The following EPHX2 variants were observed in gnomAD, a reference collection of about 807,000 sequenced individuals.
EPHX2 encodes bifunctional epoxide hydrolase 2.
EPHX2 carries 74 observed loss-of-function variants against 78.7 expected under a neutral mutation model. That is an observed-to-expected ratio of 0.94 (90% CI 0.78 to 1.14). The LOEUF (loss-of-function observed/expected upper bound fraction) is 1.14, where lower values mean the gene tolerates loss of function less well. Ranked by LOEUF, EPHX2 falls within the 50% of genes most tolerant of loss-of-function variation. EPHX2 has a pLI of 0.00. For missense variants in EPHX2, 715 were observed against 702.5 expected, an observed-to-expected ratio of 1.02 and a Z score of -0.20; for synonymous variants, 251 against 255.2, an observed-to-expected ratio of 0.98 and a Z score of 0.16.
chr8:27,509,239 T>A (rs1480860987), intron 5 of EPHX2, among the ~76,000 whole-genome samples: 1 of 152,158 alleles, frequency 6.6e-6, no homozygotes. Context: ...ACTATTCCAC[T>A]GTATGGATAG....
intron 2 of EPHX2, among the ~76,000 whole-genome samples, chr8:27,501,333 CTT>C (rs1563340098): frequency 5.5e-4 from 40 of 72,586 alleles, no homozygotes; most frequent in African/African-American, 2.1e-3. Flanking sequence ...TTTTCTTCTT[CTT>C]CTTCTTCTTC....
At chr8:27,521,089 G>A (rs1814628809) in intron 10 of EPHX2, among the ~76,000 whole-genome samples, 180 bp downstream of exon 10, 1 of 152,204 alleles carries the variant, frequency 6.6e-6, no homozygotes, top group Admixed American at 6.5e-5. Flanking sequence ...AGCAAGGATT[G>A]CGTGGAGAAC....
chr8:27,512,386 C>A (rs1489800059), intron 6 of EPHX2, among the ~76,000 whole-genome samples: 3 of 152,238 alleles, frequency 2.0e-5, no homozygotes, highest in African/African-American at 7.2e-5. Context: ...TTATCGAACA[C>A]TTCCTCTGTG....
At chr8:27,544,147 C>T in intron 17 of EPHX2, 39 bp from the exon 18 acceptor site, 1 of 1,612,164 alleles carries the variant, frequency 6.2e-7, no homozygotes, top group Non-Finnish European at 8.5e-7. Flanking sequence ...ACCCATCTGC[C>T]TTCTTCCATT....
At chr8:27,538,611 T>C (rs941780857) in intron 13 of EPHX2, 48 bp from the exon 14 acceptor site, 1 of 1,551,052 alleles carries the variant, frequency 6.4e-7, no homozygotes, top group Admixed American at 1.8e-5. Flanking sequence ...ATATTTCCTT[T>C]GTATCACCCA....
At chr8:27,529,498 C>T (rs62504299) in intron 12 of EPHX2, among the ~76,000 whole-genome samples, 12,401 of 152,236 alleles carry the variant, frequency 0.081, 532 homozygotes, top group Non-Finnish European at 0.1. Flanking sequence ...TCCCACCTCA[C>T]GACACTGGTC....
Position 27,509,373 on chromosome 8 carries a change from A to G in EPHX2, c.660+2379A>G, listed in dbSNP as rs1317102604. ...GTATCTCTTTGAGACCCTGTTTTCA[A>G]TGCTTCTGTGTGTATACCTACGAGT... On this transcript the variant is annotated intron_variant, in intron 5 of 18. Coordinates refer to ENST00000521400, the MANE Select transcript of EPHX2 (RefSeq NM_001979.6). Among the ~76,000 whole-genome samples the G allele has an allele frequency of 2.6e-5, 4 of 152,084 alleles. No individual in the cohort carries two copies. In the South Asian group the frequency reaches 6.2e-4, roughly 24 times the overall value.
intron 12 of EPHX2, among the ~76,000 whole-genome samples, chr8:27,532,452 G>A (rs1193630956): frequency 6.6e-6 from 1 of 152,126 alleles, no homozygotes; most frequent in Non-Finnish European, 1.5e-5. Context: ...CACTCCCGGG[G>A]CTGCCATAAC....
At chr8:27,544,291 G>T (rs367726652) in intron 18 of EPHX2, 47 bp downstream of exon 18, 1 of 1,608,720 alleles carries the variant, frequency 6.2e-7, no homozygotes, top group Non-Finnish European at 8.5e-7. Context: ...AGGGCCCCCC[G>T]TTCACCTTCC....
chr8:27,525,267 C>T (rs567408499), intron 11 of EPHX2, 95 bp from the exon 12 acceptor site: 1 of 1,072,266 alleles, frequency 9.3e-7, no homozygotes, highest in African/African-American at 1.6e-5. Context: ...AATGTTCCCA[C>T]TCTGAGCTTC....
At chr8:27,537,577 C>T (rs1054334067) in intron 13 of EPHX2, among the ~76,000 whole-genome samples, 1 of 152,150 alleles carries the variant, frequency 6.6e-6, no homozygotes, top group Admixed American at 6.6e-5. Context: ...AGTGTCTGAT[C>T]TGCAGTTTAA....
intron 11 of EPHX2, among the ~76,000 whole-genome samples, chr8:27,525,107 T>TGTGTGCGCGCGCGCGC (rs1491544464): frequency 9.7e-6 from 1 of 103,456 alleles, no homozygotes; most frequent in East Asian, 3.1e-4. Context: ...TGTGTGTGTG[T>TGTGTGCGCGCGCGCGC]GCGCGCGCGC....
chr8:27,501,577 T>TATA (rs1178557535), intron 2 of EPHX2, among the ~76,000 whole-genome samples: 1 of 151,500 alleles, frequency 6.6e-6, no homozygotes, highest in African/African-American at 2.4e-5. Flanking sequence ...CTGTTTTTTG[T>TATA]ATTATTATTA....
At chr8:27,506,101 G>C (rs1281943783) in intron 4 of EPHX2, among the ~76,000 whole-genome samples, 1 of 152,128 alleles carries the variant, frequency 6.6e-6, no homozygotes, top group Admixed American at 6.5e-5. Flanking sequence ...TGATCGTCCT[G>C]CCTCAGCCTC....
chr8:27,512,100 GAA>G (rs869166083), intron 6 of EPHX2, 190 bp downstream of exon 6: 3,053 of 136,976 alleles, frequency 0.022, no homozygotes, highest in East Asian at 0.029. Flanking sequence ...CCTGTCTCAA[GAA>G]AAAAAAAAAA....
chr8:27,520,264 C>G (rs1038849036), intron 9 of EPHX2, among the ~76,000 whole-genome samples: 1 of 151,936 alleles, frequency 6.6e-6, no homozygotes, highest in African/African-American at 2.4e-5. Flanking sequence ...CTCCTGAGTT[C>G]AAGCGATTCT....
At chr8:27,525,099 TGTGTGTGTGCGCGCGCGC>T (rs1814782832) in intron 11 of EPHX2, among the ~76,000 whole-genome samples, 1 of 136,178 alleles carries the variant, frequency 7.3e-6, no homozygotes, top group African/African-American at 3.2e-5. Context: ...TGTGTGTGTG[TGTGTGTGTGCGCGCGCGC>T]GCGCGCACCT....
chr8:27,524,328 G>A lies in EPHX2; in HGVS notation c.1059-1034G>A, dbSNP rs1206734532. Among the ~76,000 whole-genome samples the A allele has an allele frequency of 2.0e-5, 3 of 152,102 alleles. No individual in the cohort carries two copies. In the East Asian group the frequency reaches 5.8e-4, roughly 29 times the overall value. Reference sequence around the variant, plus strand: ...TTCCCAGGTTCTGGCCTCTCTGTCTGCTTCCATATGGTCTCTCAGTGCTTG... The same window carrying A: ...TTCCCAGGTTCTGGCCTCTCTGTCTACTTCCATATGGTCTCTCAGTGCTTG... On this transcript the variant is annotated intron_variant, in intron 11 of 18. Transcript: ENST00000521400.
downstream of EPHX2, among the ~76,000 whole-genome samples, chr8:27,548,057 C>T (rs1815603258): frequency 6.6e-6 from 1 of 152,106 alleles, no homozygotes; most frequent in Admixed American, 6.5e-5. Context: ...TTGTGCTGCT[C>T]CCGGGAGGAG....
Sources: gnomAD v4.1 joint callset for allele counts (sites outside exome capture counted in the v4.1 genomes callset) on GRCh38, gnomAD v4.1.1 for gene constraint, MANE v1.5 for transcripts, NCBI Gene and HGNC (gene_info 2026-07-23, HGNC 2026-07-21) for gene names.